Variants in ZNF347 observed in about 807,000 individuals in gnomAD.
ZNF347 encodes the protein CTD-2620I22.7.
In ZNF347, 19 loss-of-function variants were observed where a neutral mutation model predicts 12.9. That is an observed-to-expected ratio of 1.47 (90% confidence interval 1.03 to 2.16). ZNF347 has a LOEUF of 2.16. ZNF347 is among the 30% of genes most tolerant of loss of function. The pLI is 0.00. For synonymous variants in ZNF347, 328 were observed against 340.6 expected (o/e 0.96, Z 0.41); for missense variants, 1,005 against 990.6 (o/e 1.01, Z -0.19).
At chr19:53,144,064 GCTTT>G (rs1342708675) in intron 4 of ZNF347, among the ~76,000 whole-genome samples, 4 of 145,704 alleles carry the variant, frequency 2.7e-5, no homozygotes, top group African/African-American at 7.7e-5. Flanking sequence ...CTTCTCTCTT[GCTTT>G]CTTTCTTACT....
At chr19:53,155,375 C>G (rs1268178097) in intron 1 of ZNF347, among the ~76,000 whole-genome samples, 1 of 151,500 alleles carries the variant, frequency 6.6e-6, no homozygotes, top group African/African-American at 2.4e-5. Flanking sequence ...CTCTGTTGCC[C>G]AGGCTAGAGT....
At chr19:53,144,387 T>C (rs2146803064) in intron 4 of ZNF347, among the ~76,000 whole-genome samples, 1 of 152,244 alleles carries the variant, frequency 6.6e-6, no homozygotes, top group South Asian at 2.1e-4. Context: ...AAAGTCAGTA[T>C]ATAATGAGAA....
chr19:53,148,847 T>A, intron 3 of ZNF347, 38 bp from the exon 4 acceptor site: 1 of 1,606,246 alleles, frequency 6.2e-7, no homozygotes, highest in Non-Finnish European at 8.5e-7. Context: ...GGGCTGTAGA[T>A]TTTCCAGAGT....
intron 4 of ZNF347, among the ~76,000 whole-genome samples, 175 bp downstream of exon 4, chr19:53,148,506 G>T (rs773211494): frequency 6.6e-6 from 1 of 152,164 alleles, no homozygotes; most frequent in African/African-American, 2.4e-5. Flanking sequence ...ACCACTGGAA[G>T]GTGAAAGGAT....
rs908480383 is a variant in ZNF347, at chr19:53,138,848, G to C, written c.*1460C>G. On this transcript the variant is annotated 3_prime_UTR_variant, in exon 5 of 5. Coordinates refer to ENST00000334197, the MANE Select transcript of ZNF347 (RefSeq NM_032584.3). ...TTTTTTTTAGCAAAACATTATGTCT[G>C]TGACACATTCTTAATAAAACTGTAG... The C allele has an allele frequency of 1.3e-5, 2 of 152,092 alleles. No homozygotes were observed. The highest frequency in any genetic ancestry group is 2.4e-5 in the African/African-American group (1 of 41,424). 9.4% of individuals were successfully genotyped at this position (152,092 alleles called of 1,614,324 possible). A position where few individuals can be genotyped will look rare whatever the true frequency, so the allele number is the denominator to read the frequency against.
In ZNF347 at chr19:53,138,108, A is replaced by G. The variant is rs951138623; in HGVS notation, c.*2200T>C. 2 of 150,334 alleles carry G rather than the reference A, an allele frequency of 1.3e-5. No individual in the cohort carries two copies. Among genetic ancestry groups the G allele is most frequent in the South Asian group, 2.1e-4 (1 of 4,754 alleles). The allele number at this position is 150,334 out of a possible 1,614,324, so 9.3% of individuals were successfully genotyped here. A position where few individuals can be genotyped will look rare whatever the true frequency, so the allele number is the denominator to read the frequency against. The stretch of plus-strand genomic sequence containing the variant: ...AGGTGTGAGCCACCACACCCAGCCA[A>G]TATTTTTCATACAATTGTTTTTTTT... On this transcript the variant is annotated 3_prime_UTR_variant, in exon 5 of 5. Transcript: ENST00000334197.
rs555522203 is a variant in ZNF347 at position 53,148,747 on chromosome 19, A to G, written c.205T>C (p.Leu69=). 1 of 1,613,814 alleles carries G rather than the reference A, an allele frequency of 6.2e-7. No individual in the cohort carries two copies. Among genetic ancestry groups the G allele is most frequent in the Non-Finnish European group, 8.5e-7 (1 of 1,179,716 alleles). Residue 69 remains leucine (L), a synonymous_variant, in exon 4 of 5, where the codon TTG becomes CTG. Coordinates refer to ENST00000334197, the MANE Select transcript of ZNF347 (RefSeq NM_032584.3). ...MLEQGKEPFT[L]ESQVQIAGNP... is the part of the protein sequence containing the mutation. ...CCTGCTATTTGTACTTGGCTCTCCAAAGTGAAAGGCTCCTTCCCTTGCTCC... is the reference window on the plus strand; with the variant it reads ...CCTGCTATTTGTACTTGGCTCTCCAGAGTGAAAGGCTCCTTCCCTTGCTCC...
chr19:53,152,732 C>T (rs1038947715), intron 2 of ZNF347, among the ~76,000 whole-genome samples: 1 of 151,918 alleles, frequency 6.6e-6, no homozygotes, highest in Non-Finnish European at 1.5e-5. Context: ...AGTTCGAGAC[C>T]ATCCTGGCTA....
In ZNF347 at chr19:53,142,396, T is replaced by C. The variant is rs1174737081; in HGVS notation, c.432A>G (p.Gln144=). ...TGTAATTTCCTTCAGCATCTCTGCA[T>C]TGATACTCAAGGCCATGTGTATTTT... ...VQKNTHGLEY[Q]CRDAEGNYKG... Residue 144 remains glutamine (Q), a synonymous_variant, in exon 5 of 5, where the codon CAA becomes CAG. Transcript: ENST00000334197. 2 of 1,614,006 alleles carry C rather than the reference T, an allele frequency of 1.2e-6. No individual in the cohort carries two copies. Among genetic ancestry groups the C allele is most frequent in the African/African-American group, 1.3e-5 (1 of 74,924 alleles).
At chr19:53,149,080 G>A (rs1405958640) in intron 3 of ZNF347, 161 bp downstream of exon 3, 1 of 1,420,250 alleles carries the variant, frequency 7.0e-7, no homozygotes, top group African/African-American at 1.4e-5. Flanking sequence ...ATCAGGAAGA[G>A]GAAAATTAAA....
rs931928353 is a variant in ZNF347, at chr19:53,138,043, A to C, written c.*2265T>G. ...AGGGTGGTCTCGATTTTCTGACCCC[A>C]TGATCCACCCGCCTTGGCCTCCCTA... is the stretch of plus-strand genomic sequence containing the variant. On this transcript the variant is annotated 3_prime_UTR_variant, in exon 5 of 5. Transcript: ENST00000334197. 6.6e-6 allele frequency: 1 copy of C among 152,058 alleles called. No individual in the cohort carries two copies. Among genetic ancestry groups the C allele is most frequent in the Non-Finnish European group, 1.5e-5 (1 of 68,028 alleles). 9.4% of individuals were successfully genotyped at this position (152,058 alleles called of 1,614,324 possible). A position where few individuals can be genotyped will look rare whatever the true frequency, so the allele number is the denominator to read the frequency against.
intron 2 of ZNF347, among the ~76,000 whole-genome samples, chr19:53,151,656 T>C (rs12151148): frequency 0.63 from 95,742 of 151,932 alleles, 31,138 homozygotes; most frequent in East Asian, 0.76. Context: ...GGTAATTACA[T>C]ATATACACAC....
Position 53,140,019 on chromosome 19 carries a change from G to C in ZNF347, c.*289C>G, listed in dbSNP as rs1200371754. The C allele has an allele frequency of 2.8e-5, 7 of 252,132 alleles. No homozygotes were observed. The highest frequency in any genetic ancestry group is 5.3e-5 in the Non-Finnish European group (7 of 132,100). The allele number at this position is 252,132 out of a possible 1,614,324, so 15.6% of individuals were successfully genotyped here. ...GGGTTCAAGTGATTCTCCTGCCTCA[G>C]CCTCCTATATAGCTGGGATTACAGG... On this transcript the variant is annotated 3_prime_UTR_variant, in exon 5 of 5. Transcript: ENST00000334197.
intron 2 of ZNF347, among the ~76,000 whole-genome samples, chr19:53,151,318 G>A (rs940502888): frequency 1.3e-5 from 2 of 151,920 alleles, no homozygotes; most frequent in Admixed American, 6.6e-5. Context: ...GGCAGATCAC[G>A]AGGTCAGGAG....
intron 2 of ZNF347, among the ~76,000 whole-genome samples, chr19:53,152,727 G>A (rs1039418741): frequency 1.3e-5 from 2 of 151,758 alleles, no homozygotes; most frequent in Admixed American, 1.3e-4. Context: ...TCAGGAGTTC[G>A]AGACCATCCT....
In ZNF347 at chr19:53,156,048, G is replaced by GGGGGGGT. The variant is rs1555802208; in HGVS notation, c.-46-2256_-46-2255insACCCCCC. On this transcript the variant is annotated intron_variant, in intron 1 of 4. Coordinates refer to ENST00000334197, the MANE Select transcript of ZNF347 (RefSeq NM_032584.3). ...GACTCCCAGGGGACTCCCAGCTCGG[G>GGGGGGGT]GGGGGGGGGGGGTTAGGCGGGGGTC... Among the ~76,000 whole-genome samples the GGGGGGGT allele has an allele frequency of 5.4e-4, 61 of 112,084 alleles. 1 individual carries two copies. Among genetic ancestry groups the GGGGGGGT allele is most frequent in the Non-Finnish European group, 1.0e-3 (53 of 52,810 alleles). 73.5% of individuals were successfully genotyped at this position (112,084 alleles called of 152,430 possible). A position where few individuals can be genotyped will look rare whatever the true frequency, so the allele number is the denominator to read the frequency against.
At chr19:53,147,088 G>C (rs1397087926) in intron 4 of ZNF347, among the ~76,000 whole-genome samples, 4 of 151,766 alleles carry the variant, frequency 2.6e-5, no homozygotes, top group Non-Finnish European at 5.9e-5. Flanking sequence ...AATAAAAAAG[G>C]ATTTGGCCAG....
rs2090393463 is a variant in ZNF347 at position 53,137,401 on chromosome 19, C to T, written c.*2907G>A. On this transcript the variant is annotated 3_prime_UTR_variant, in exon 5 of 5. Coordinates refer to ENST00000334197, the MANE Select transcript of ZNF347 (RefSeq NM_032584.3). ...GTGTGGGATCCTCACCCCAACCCAC[C>T]CTTTTATTAAAGGTTATTACCATAA... 6.6e-6 allele frequency: 1 copy of T among 152,124 alleles called. No homozygotes were observed. The highest frequency in any genetic ancestry group is 2.1e-4 in the South Asian group (1 of 4,828). 9.4% of individuals were successfully genotyped at this position (152,124 alleles called of 1,614,324 possible).
rs1345255507 is a variant in ZNF347 at position 53,138,403 on chromosome 19, C to T, written c.*1905G>A. ...AAGTGCTAGGATTACAGGCATGAAC[C>T]ACCACACCCAGCCCATACACTTTCT... On this transcript the variant is annotated 3_prime_UTR_variant, in exon 5 of 5. Coordinates refer to ENST00000334197, the MANE Select transcript of ZNF347 (RefSeq NM_032584.3). 1.3e-5 allele frequency: 2 copies of T among 152,246 alleles called. No homozygotes were observed. Among genetic ancestry groups the T allele is most frequent in the East Asian group, 3.9e-4 (2 of 5,188 alleles). The allele number at this position is 152,246 out of a possible 1,614,324, so 9.4% of individuals were successfully genotyped here.
Sources: allele counts gnomAD v4.1 joint callset (sites outside exome capture counted in the v4.1 genomes callset), GRCh38; gene constraint gnomAD v4.1.1; transcripts MANE v1.5; gene names NCBI Gene and HGNC (gene_info 2026-07-23, HGNC 2026-07-21).